MKI67: variants seen among roughly 807,000 people sequenced by gnomAD.
MKI67 encodes the protein proliferation marker protein Ki-67.
In MKI67, 152 loss-of-function variants were observed where a neutral mutation model predicts 233.5. That is an observed-to-expected ratio of 0.65 (90% CI 0.57 to 0.74). The LOEUF (loss-of-function observed/expected upper bound fraction) is 0.74. Ranked by LOEUF, MKI67 falls within the 30% of genes least tolerant of loss-of-function variation. The pLI, the probability that MKI67 is intolerant of heterozygous loss-of-function variation, is 0.00. For synonymous variants in MKI67, 1,465 were observed against 1,418.5 expected, an observed-to-expected ratio of 1.03 and a Z score of -0.74; for missense variants, 3,940 against 3,885.2, an observed-to-expected ratio of 1.01 and a Z score of -0.37.
chr10:128,099,164 A>T lies in MKI67; in HGVS notation c.*26T>A. On this transcript the variant is annotated 3_prime_UTR_variant, in exon 15 of 15. Coordinates refer to ENST00000368654, the MANE Select transcript of MKI67 (RefSeq NM_002417.5). ...AACTTATCACAAAACTAACTTTATTATATTTTTCCCAGTTCGATTTTTCTG... is the reference window on the plus strand; with the variant it reads ...AACTTATCACAAAACTAACTTTATTTTATTTTTCCCAGTTCGATTTTTCTG... 1.3e-6 allele frequency: 2 copies of T among 1,572,682 alleles called. No individual in the cohort carries two copies.
chr10:128,104,106 AAT>A lies in MKI67; in HGVS notation c.7732_7733del (p.Ile2578Ter). On this transcript the variant is annotated frameshift_variant, in exon 13 of 15. Transcript: ENST00000368654. LOFTEE classifies it high-confidence loss of function. ...TGCAGGGAATTTTTGTGTTTTTGTCAATAGTCATTGACTCTTCAGTGTGACCT... is the reference window on the plus strand; with the variant it reads ...TGCAGGGAATTTTTGTGTTTTTGTCAAGTCATTGACTCTTCAGTGTGACCT... ...APGHTEESMTIDKNTKIPCKS... is the reference protein window; with the variant it reads ...APGHTEESMTXDKNTKIPCKS... 2 of 1,613,972 alleles carry A rather than the reference AAT, an allele frequency of 1.2e-6. No homozygotes were observed. Among genetic ancestry groups the A allele is most frequent in the Non-Finnish European group, 8.5e-7 (1 of 1,179,996 alleles).
Position 128,113,408 on chromosome 10 carries a change from T to G in MKI67, c.1656+19A>C. On this transcript the variant is annotated intron_variant, in intron 8 of 14. Transcript: ENST00000368654. ...TGTGAGCCACTGGGCGTGAATGGGATGCTGCTTGTTCAACTCACCTTGATG... is the reference window on the plus strand; with the variant it reads ...TGTGAGCCACTGGGCGTGAATGGGAGGCTGCTTGTTCAACTCACCTTGATG... The G allele has an allele frequency of 1.2e-6, 2 of 1,613,390 alleles. No individual in the cohort carries two copies. Among genetic ancestry groups the G allele is most frequent in the Non-Finnish European group, 1.7e-6 (2 of 1,179,354 alleles).
chr10:128,099,278 G>C, intron 14 of MKI67, 23 bp from the exon 15 acceptor site: 1 of 1,597,004 alleles, frequency 6.3e-7, no homozygotes, highest in Non-Finnish European at 8.6e-7. Flanking sequence ...AAAAAAAATA[G>C]AACTCTTAAG....
In MKI67 at chr10:128,097,223, A is replaced by T. The variant is rs1286851654; in HGVS notation, c.*1967T>A. On this transcript the variant is annotated 3_prime_UTR_variant, in exon 15 of 15. Transcript: ENST00000368654. ...CATACCATGGTGGAAATGGGTGGGT[A>T]TTTGTTCTCAAATCCAGTCAGCCTA... The T allele has an allele frequency of 6.6e-6, 1 of 152,144 alleles. No individual in the cohort carries two copies. Among genetic ancestry groups the T allele is most frequent in the African/African-American group, 2.4e-5 (1 of 41,428 alleles). The allele number at this position is 152,144 out of a possible 1,614,324, so 9.4% of individuals were successfully genotyped here. A position where few individuals can be genotyped will look rare whatever the true frequency, so the allele number is the denominator to read the frequency against.
At position 128,107,112 on chromosome 10, in the gene MKI67, T is replaced by A; in HGVS notation, c.4728A>T (p.Gln1576His). Residue 1576 changes from glutamine to histidine, a missense_variant, in exon 13 of 15, where the codon CAA becomes CAT. Physicochemically the swap from Gln to His is conservative, Grantham distance 24. Transcript: ENST00000368654. The part of the protein sequence containing the change: ...ENLTGSKRRL[Q>H]TPKEKAQALE... Reference sequence around the variant, plus strand: ...GAGCCTGGGCCTTTTCCTTAGGAGTTTGTAGCCGTCTCTTGCTGCCAGTTA... The same window carrying A: ...GAGCCTGGGCCTTTTCCTTAGGAGTATGTAGCCGTCTCTTGCTGCCAGTTA... 1.9e-6 allele frequency: 3 copies of A among 1,613,644 alleles called. No individual in the cohort carries two copies. The highest frequency in any genetic ancestry group is 2.5e-6 in the Non-Finnish European group (3 of 1,179,906).
In MKI67 at chr10:128,112,013, C is replaced by T. The variant is rs1335220514; in HGVS notation, c.2002G>A (p.Gly668Ser). 1 of 1,613,166 alleles carries T rather than the reference C, an allele frequency of 6.2e-7. No individual in the cohort carries two copies. The highest frequency in any genetic ancestry group is 8.5e-7 in the Non-Finnish European group (1 of 1,179,858). The change falls in exon 10 of 15, where the codon GGT becomes AGT. Residue 668 changes from glycine to serine, a missense_variant. Gly to Ser is a moderately conservative substitution (Grantham distance 56, BLOSUM62 0). Coordinates refer to ENST00000368654, the MANE Select transcript of MKI67 (RefSeq NM_002417.5). ...ACTTTAGTTTGTGTTTGTTTTGCAC[C>T]AAGTTTTACTACATCTGCCCATGAT... is the stretch of plus-strand genomic sequence containing the variant. Reference protein sequence around the residue: ...AKSWADVVKLGAKQTQTKVIK... With the variant: ...AKSWADVVKLSAKQTQTKVIK...
rs537458807 is a variant in MKI67, at chr10:128,108,505, G to T, written c.3335C>A (p.Pro1112Gln). The T allele has an allele frequency of 6.2e-7, 1 of 1,613,948 alleles. No homozygotes were observed. Among genetic ancestry groups the T allele is most frequent in the Admixed American group, 1.7e-5 (1 of 60,004 alleles). Residue 1112 changes from proline (P) to glutamine (Q), a missense_variant, in exon 13 of 15, where the codon CCA (proline) becomes CAA (glutamine). Pro to Gln is a moderately conservative substitution (Grantham distance 76). Transcript: ENST00000368654. ...AGTCATTGATTCCTCAGAGGGACCT[G>T]GTGTCTGGAAGAGCTCTTTGAAGCC... The part of the protein sequence containing the change: ...LAGFKELFQT[P>Q]GPSEESMTDE...
In MKI67 at chr10:128,106,508, C is replaced by T. The variant is rs1357002863; in HGVS notation, c.5332G>A (p.Ala1778Thr). The change falls in exon 13 of 15, where the codon GCA becomes ACA. Residue 1778 changes from alanine (A) to threonine (T), a missense_variant. Ala to Thr is a moderately conservative substitution (Grantham distance 58). Transcript: ENST00000368654. ...TTGGGTGTGTGCATGGCTTTGCCTGCTGATGGCGTTTGTTTCCTAAATGCT... is the reference window on the plus strand; with the variant it reads ...TTGGGTGTGTGCATGGCTTTGCCTGTTGATGGCGTTTGTTTCCTAAATGCT... ...FLAFRKQTPS[A>T]GKAMHTPKPA... 2 of 1,614,130 alleles carry T rather than the reference C, an allele frequency of 1.2e-6. No individual in the cohort carries two copies. Among genetic ancestry groups the T allele is most frequent in the Middle Eastern group, 3.3e-4 (2 of 6,062 alleles).
chr10:128,110,591 TC>T, intron 11 of MKI67, 58 bp from the exon 12 acceptor site: 1 of 1,372,438 alleles, frequency 7.3e-7, no homozygotes. Context: ...CAGACAACCA[TC>T]CCAGCCCTCA....
At position 128,109,333 on chromosome 10, in the gene MKI67, C is replaced by G. The variant is rs761335692; in HGVS notation, c.2507G>C (p.Arg836Thr). 6.2e-7 allele frequency: 1 copy of G among 1,614,148 alleles called. No homozygotes were observed. Residue 836 changes from arginine to threonine, a missense_variant, in exon 13 of 15, where the codon AGA becomes ACA. Coordinates refer to ENST00000368654, the MANE Select transcript of MKI67 (RefSeq NM_002417.5). ...ASPPLRRQCI[R>T]ENGNVAKTPR... ...CGTTTTTGCTACGTTTCCATTTTCTCTAATACACTGCCGTCTTAAGGGAGG... is the reference window on the plus strand; with the variant it reads ...CGTTTTTGCTACGTTTCCATTTTCTGTAATACACTGCCGTCTTAAGGGAGG...
chr10:128,108,290 C>G lies in MKI67; in HGVS notation c.3550G>C (p.Glu1184Gln). ...CCCATAAATGCTTTAATGTCTTTCTCATCACCTCCTGCTGGTTTGGGCGTA... is the reference window on the plus strand; with the variant it reads ...CCCATAAATGCTTTAATGTCTTTCTGATCACCTCCTGCTGGTTTGGGCGTA... ...MLTPKPAGGD[E>Q]KDIKAFMGTP... Residue 1184 changes from glutamate (E) to glutamine (Q), a missense_variant, in exon 13 of 15, where the codon GAG becomes CAG. Glu to Gln is a conservative substitution (Grantham distance 29, BLOSUM62 2). Transcript: ENST00000368654. The G allele has an allele frequency of 1.2e-6, 2 of 1,614,098 alleles. No homozygotes were observed. Among genetic ancestry groups the G allele is most frequent in the Non-Finnish European group, 1.7e-6 (2 of 1,180,012 alleles).
chr10:128,108,102 G>C lies in MKI67; in HGVS notation c.3738C>G (p.Thr1246=). The change falls in exon 13 of 15, where the codon ACC becomes ACG. Residue 1246 remains threonine (T), a synonymous_variant. Transcript: ENST00000368654. ...HTEELVAAGK[T]TKIPCDSPQS... ...GTGGAGAGTCGCAGGGTATTTTAGT[G>C]GTTTTACCAGCAGCCACTAATTCCT... 6.2e-7 allele frequency: 1 copy of C among 1,610,204 alleles called. No homozygotes were observed. The highest frequency in any genetic ancestry group is 1.1e-5 in the South Asian group (1 of 90,900).
At position 128,107,506 on chromosome 10, in the gene MKI67, G is replaced by A. The variant is rs779877676; in HGVS notation, c.4334C>T (p.Ala1445Val). The change falls in exon 13 of 15, where the codon GCA becomes GTA. Residue 1445 changes from alanine to valine, a missense_variant. By Grantham distance (64) the Ala-to-Val change is moderately conservative (BLOSUM62 0). Coordinates refer to ENST00000368654, the MANE Select transcript of MKI67 (RefSeq NM_002417.5). ...RETAKQKLDP[A>V]ASVTGSKRHP... ...CCTCTTGCTACCAGTTACACTTGCT[G>A]CTGGGTCCAGTTTCTGTTTTGCAGT... 8 of 1,613,956 alleles carry A rather than the reference G, an allele frequency of 5.0e-6. No individual in the cohort carries two copies. Among genetic ancestry groups the A allele is most frequent in the African/African-American group, 4.0e-5 (3 of 74,844 alleles).
Position 128,103,312 on chromosome 10 carries a change from C to A in MKI67, c.8528G>T (p.Arg2843Met), listed in dbSNP as rs1231554129. Reference sequence around the variant, plus strand: ...CACTTCTACTTTCTGGGCACGTGTCCTGGGCCGTCTCTTTGAGCTTGTTGC... The same window carrying A: ...CACTTCTACTTTCTGGGCACGTGTCATGGGCCGTCTCTTTGAGCTTGTTGC... ...DTATSSKRRP[R>M]TRAQKVEVKE... is the part of the protein sequence containing the mutation. The change falls in exon 13 of 15, where the codon AGG (arginine) becomes ATG (methionine). Residue 2843 changes from arginine (R) to methionine (M), a missense_variant. Coordinates refer to ENST00000368654, the MANE Select transcript of MKI67 (RefSeq NM_002417.5). 4 of 1,614,042 alleles carry A rather than the reference C, an allele frequency of 2.5e-6. No individual in the cohort carries two copies. Among genetic ancestry groups the A allele is most frequent in the Admixed American group, 1.7e-5 (1 of 59,996 alleles).
Position 128,104,947 on chromosome 10 carries a change from C to T in MKI67, c.6893G>A (p.Gly2298Asp), listed in dbSNP as rs750877774. 2.5e-6 allele frequency: 4 copies of T among 1,613,270 alleles called. No homozygotes were observed. Among genetic ancestry groups the T allele is most frequent in the Non-Finnish European group, 8.5e-7 (1 of 1,179,946 alleles). ...QKLDLPGNLP[G>D]SKRWPQTPKE... is the part of the protein sequence containing the mutation. ...AGGAGTTTGTGGCCATCTTTTGCTG[C>T]CAGGTAAATTTCCTGGCAGGTCCAA... Residue 2298 changes from glycine (G) to aspartate (D), a missense_variant, in exon 13 of 15, where the codon GGC becomes GAC. Physicochemically the swap from Gly to Asp is moderately conservative, Grantham distance 94 (BLOSUM62 -1). Transcript: ENST00000368654.
Position 128,111,793 on chromosome 10 carries a change from A to G in MKI67, c.2112T>C (p.Ser704=). Residue 704 remains serine (S), a synonymous_variant, in exon 11 of 15, where the codon AGT becomes AGC. Coordinates refer to ENST00000368654, the MANE Select transcript of MKI67 (RefSeq NM_002417.5). ...TPKKPVGEVH[S]QFSTGHANSP... ...AGTTTGCGTGGCCTGTACTAAATTG[A>G]CTGTGAACTTCGCCCACAGGCTTCT... 1 of 1,612,808 alleles carries G rather than the reference A, an allele frequency of 6.2e-7. No homozygotes were observed. The highest frequency in any genetic ancestry group is 1.3e-5 in the African/African-American group (1 of 74,938).
intron 14 of MKI67, 113 bp downstream of exon 14, chr10:128,101,145 G>T: frequency 1.1e-6 from 1 of 943,070 alleles, no homozygotes; most frequent in Non-Finnish European, 1.6e-6. Flanking sequence ...GTAACTGGGA[G>T]CTGGCAGAGT....
In MKI67 at chr10:128,112,318, C is replaced by A. The variant is rs769057426; in HGVS notation, c.1784G>T (p.Arg595Leu). 1 of 1,614,188 alleles carries A rather than the reference C, an allele frequency of 6.2e-7. No homozygotes were observed. The highest frequency in any genetic ancestry group is 1.1e-5 in the South Asian group (1 of 91,086). ...PRKTPVASDQ[R>L]RRSCKTAPAS... ...AGGGGCTGTTTTGCAGGACCTACGG[C>A]GTTGATCACTGGCAACTGGAGTTTT... The change falls in exon 9 of 15, where the codon CGC (arginine) becomes CTC (leucine). Residue 595 changes from arginine (R) to leucine (L), a missense_variant. Transcript: ENST00000368654.
rs777267765 is a variant in MKI67, at chr10:128,103,248, G to C, written c.8592C>G (p.Thr2864=). 1.9e-6 allele frequency: 3 copies of C among 1,614,104 alleles called. No individual in the cohort carries two copies. The East Asian group carries it at 6.7e-5, about 36-fold the overall frequency. Residue 2864 remains threonine, a synonymous_variant, in exon 13 of 15, where the codon ACC becomes ACG. Transcript: ENST00000368654. ...TGTCGGTGTGCGTGGTCTCCCCTGAGGTTTGTGTGAGCTTGCCAACTGCTA... is the reference window on the plus strand; with the variant it reads ...TGTCGGTGTGCGTGGTCTCCCCTGACGTTTGTGTGAGCTTGCCAACTGCTA... ...ELLAVGKLTQ[T]SGETTHTDKE...
Sources: gnomAD v4.1 joint callset for allele counts on GRCh38, gnomAD v4.1.1 for gene constraint, MANE v1.5 for transcripts, NCBI Gene and HGNC (gene_info 2026-07-23, HGNC 2026-07-21) for gene names.